CSMD1: variants seen among roughly 807,000 people sequenced by gnomAD.
CSMD1 encodes the protein CUB and Sushi multiple domains 1.
In CSMD1, 213 loss-of-function variants were observed where a neutral mutation model predicts 417.5. That is an observed-to-expected ratio of 0.51 (90% confidence interval 0.46 to 0.57). CSMD1 has a LOEUF of 0.57. CSMD1 is among the 20% of genes least tolerant of loss of function. The probability of loss-of-function intolerance (pLI) is 0.00; values close to 1 mark genes in which losing one functional copy is unlikely to be tolerated. For missense variants in CSMD1, 6,923 were observed against 4,529.7 expected (o/e 1.53, Z -15.17); for synonymous variants, 2,862 against 1,736.8 (o/e 1.65, Z -16.11).
chr8:4,082,425 A>G (rs1800186843), intron 3 of CSMD1, among the ~76,000 whole-genome samples: 1 of 152,182 alleles, frequency 6.6e-6, no homozygotes, highest in African/African-American at 2.4e-5. Context: ...ATTTTAAGAA[A>G]TCTTTTGAAA....
intron 5 of CSMD1, among the ~76,000 whole-genome samples, chr8:3,756,494 T>A (rs566698989): frequency 6.6e-6 from 1 of 152,254 alleles, no homozygotes; most frequent in African/African-American, 2.4e-5. Flanking sequence ...ACACTGAAAT[T>A]AAGCACAGAA....
chr8:3,301,300 GA>G (rs1232453101), intron 25 of CSMD1, among the ~76,000 whole-genome samples: 21 of 152,242 alleles, frequency 1.4e-4, no homozygotes, highest in African/African-American at 4.6e-4. Flanking sequence ...CCCAGCGAAG[GA>G]ACCAGGTGGT....
chr8:3,696,216 C>T (rs531814180), intron 7 of CSMD1, among the ~76,000 whole-genome samples: 1 of 152,138 alleles, frequency 6.6e-6, no homozygotes, highest in South Asian at 2.1e-4. Flanking sequence ...ACAGACAGTT[C>T]AAACCATAAA....
At chr8:3,456,895 C>A (rs939159210) in intron 12 of CSMD1, among the ~76,000 whole-genome samples, 4 of 152,016 alleles carry the variant, frequency 2.6e-5, no homozygotes, top group Non-Finnish European at 5.9e-5. Context: ...CACTATCCTG[C>A]CCCCCTTGTA....
chr8:4,500,254 A>G (rs1048868448), intron 2 of CSMD1, among the ~76,000 whole-genome samples: 1 of 152,160 alleles, frequency 6.6e-6, no homozygotes, highest in African/African-American at 2.4e-5. Context: ...AAGAGAGATC[A>G]TAGAAATGGA....
At chr8:3,440,067 T>C (rs1048725032) in intron 12 of CSMD1, among the ~76,000 whole-genome samples, 7 of 152,222 alleles carry the variant, frequency 4.6e-5, no homozygotes, top group Admixed American at 2.0e-4. Context: ...CTATATAATA[T>C]GCAGTGAAAT....
chr8:3,500,248 T>A (rs959241617), intron 10 of CSMD1, among the ~76,000 whole-genome samples: 2 of 152,204 alleles, frequency 1.3e-5, no homozygotes, highest in African/African-American at 2.4e-5. Flanking sequence ...CTTACCTACT[T>A]GTCATTTTGG....
At chr8:3,227,985 C>G (rs1798616020) in intron 27 of CSMD1, among the ~76,000 whole-genome samples, 1 of 152,102 alleles carries the variant, frequency 6.6e-6, no homozygotes. Flanking sequence ...CCAGGCTGGT[C>G]TCAAACTCCT....
chr8:3,743,823 A>C (rs1003028314), intron 6 of CSMD1, among the ~76,000 whole-genome samples: 2 of 152,146 alleles, frequency 1.3e-5, no homozygotes, highest in Admixed American at 6.5e-5. Flanking sequence ...ACCAGACACA[A>C]ATGCATATCT....
intron 54 of CSMD1, among the ~76,000 whole-genome samples, chr8:2,986,474 C>T (rs1347378938): frequency 6.6e-6 from 1 of 152,074 alleles, no homozygotes; most frequent in African/African-American, 2.4e-5. Context: ...CTAAGGCCTA[C>T]ACAGATATTA....
rs1800934001 is a variant in CSMD1 at position 4,220,057 on chromosome 8, C to G, written c.416-187958G>C. ...CTCTGCCTCTCAGGTTTAAGCAATT[C>G]TCGTGCCTCAGCCTCCCGAGTACCT... On this transcript the variant is annotated intron_variant, in intron 3 of 69. Transcript: ENST00000635120. Among the ~76,000 whole-genome samples, 5 of 152,108 alleles carry G rather than the reference C, an allele frequency of 3.3e-5. No individual in the cohort carries two copies. In the South Asian group the frequency reaches 1.0e-3, roughly 31 times the overall value.
At chr8:4,327,787 G>T (rs944129454) in intron 3 of CSMD1, among the ~76,000 whole-genome samples, 2 of 152,194 alleles carry the variant, frequency 1.3e-5, no homozygotes, top group Non-Finnish European at 2.9e-5. Flanking sequence ...AAAACCAAAT[G>T]TAACTTTTCT....
intron 7 of CSMD1, 140 bp downstream of exon 7, chr8:3,708,274 C>T (rs1801292555): frequency 3.0e-6 from 2 of 675,016 alleles, no homozygotes; most frequent in South Asian, 1.9e-5. Flanking sequence ...TTCTTTCTCC[C>T]AGAAAATACT....
At chr8:4,972,383 C>T (rs528163272) in intron 1 of CSMD1, among the ~76,000 whole-genome samples, 3 of 152,190 alleles carry the variant, frequency 2.0e-5, no homozygotes, top group Admixed American at 1.3e-4. Flanking sequence ...AGCAGTTCCC[C>T]CCATGCTGTT....
At chr8:3,981,494 AAAAAGT>A (rs1813860792) in intron 5 of CSMD1, among the ~76,000 whole-genome samples, 1 of 93,030 alleles carries the variant, frequency 1.1e-5, no homozygotes, top group Non-Finnish European at 2.1e-5. Flanking sequence ...AACTTATAGA[AAAAAGT>A]AAAAAAAAAA....
chr8:4,565,440 TA>T (rs1458329044), intron 2 of CSMD1, among the ~76,000 whole-genome samples: 1 of 152,062 alleles, frequency 6.6e-6, no homozygotes, highest in Non-Finnish European at 1.5e-5. Flanking sequence ...TTTTTTCAAG[TA>T]AAATATAGAT....
At chr8:2,999,335 T>C (rs1807193571) in intron 53 of CSMD1, among the ~76,000 whole-genome samples, 1 of 152,092 alleles carries the variant, frequency 6.6e-6, no homozygotes, top group Admixed American at 6.6e-5. Flanking sequence ...ATTGTATTTT[T>C]AGTAGAAATG....
intron 1 of CSMD1, among the ~76,000 whole-genome samples, chr8:4,721,535 G>A (rs1279986864): frequency 2.0e-5 from 3 of 152,114 alleles, no homozygotes; most frequent in Non-Finnish European, 4.4e-5. Context: ...CTGTTAGTAT[G>A]GCTATTATCA....
At chr8:3,114,517 T>C (rs1420375235) in intron 42 of CSMD1, among the ~76,000 whole-genome samples, 1 of 151,396 alleles carries the variant, frequency 6.6e-6, no homozygotes, top group African/African-American at 2.4e-5. Flanking sequence ...TAATCTCCCC[T>C]AGTGTGTAGA....
Sources: gnomAD v4.1 joint callset for allele counts (sites outside exome capture counted in the v4.1 genomes callset) on GRCh38, gnomAD v4.1.1 for gene constraint, MANE v1.5 for transcripts, NCBI Gene and HGNC (gene_info 2026-07-23, HGNC 2026-07-21) for gene names.